COL4A2: variants seen among roughly 807,000 people sequenced by gnomAD.
COL4A2 encodes the protein collagen alpha-2(IV) chain.
Under a neutral mutation model 200.2 loss-of-function variants are expected in COL4A2, and 99 were observed. That is an observed-to-expected ratio of 0.49 (90% CI 0.42 to 0.58). The LOEUF (loss-of-function observed/expected upper bound fraction) is 0.58. Ranked by LOEUF, COL4A2 falls within the 20% of genes least tolerant of loss-of-function variation. COL4A2 has a pLI of 0.00. For missense variants in COL4A2, 1,950 were observed against 2,314.1 expected (o/e 0.84, Z 3.23); for synonymous variants, 897 against 900.6 (o/e 1.00, Z 0.07).
chr13:110,417,114 G>A (rs564735946), intron 4 of COL4A2, among the ~76,000 whole-genome samples: 8 of 152,096 alleles, frequency 5.3e-5, no homozygotes, highest in African/African-American at 1.9e-4. Flanking sequence ...CCGAGTAGCT[G>A]GGGCTACAGG....
At chr13:110,345,018 A>G in intron 3 of COL4A2, among the ~76,000 whole-genome samples, 1 of 151,994 alleles carries the variant, frequency 6.6e-6, no homozygotes, top group Non-Finnish European at 1.5e-5. Context: ...GGTTTTGCAG[A>G]GTGTGAGAAT....
At position 110,484,938 on chromosome 13, in the gene COL4A2, C is replaced by T; in HGVS notation, c.2936C>T (p.Pro979Leu). 6 of 1,612,850 alleles carry T rather than the reference C, an allele frequency of 3.7e-6. No homozygotes were observed. The highest frequency in any genetic ancestry group is 5.1e-6 in the Non-Finnish European group (6 of 1,179,020). ...SRGDPGPPGP[P>L]PVILPGMKDI... ...GGGGACCCTGGGCCCCCAGGACCAC[C>T]TCCTGTCATCCTGCCAGGAATGAAA... Residue 979 changes from proline (P) to leucine (L), a missense_variant, in exon 33 of 48, where the codon CCT becomes CTT. Physicochemically the swap from Pro to Leu is moderately conservative, Grantham distance 98. Coordinates refer to ENST00000360467, the MANE Select transcript of COL4A2 (RefSeq NM_001846.4).
chr13:110,364,442 T>C (rs1310360100), intron 4 of COL4A2, among the ~76,000 whole-genome samples: 1 of 152,206 alleles, frequency 6.6e-6, no homozygotes, highest in Non-Finnish European at 1.5e-5. Flanking sequence ...ATTTATCATA[T>C]GGGTGGGATG....
At chr13:110,485,055 C>T (rs1444136677) in intron 33 of COL4A2, 28 bp downstream of exon 33, 1 of 1,546,740 alleles carries the variant, frequency 6.5e-7, no homozygotes, top group Non-Finnish European at 8.8e-7. Context: ...CAGCCAGGGG[C>T]CCCTAGTCCC....
chr13:110,476,132 T>C (rs1268958127), intron 29 of COL4A2, among the ~76,000 whole-genome samples: 1 of 152,102 alleles, frequency 6.6e-6, no homozygotes, highest in East Asian at 1.9e-4. Context: ...CCACAGTCCA[T>C]GTCCCTGGGT....
chr13:110,337,667 G>A (rs1876262548), intron 3 of COL4A2, among the ~76,000 whole-genome samples: 1 of 152,194 alleles, frequency 6.6e-6, no homozygotes, highest in Admixed American at 6.5e-5. Flanking sequence ...AAAAGGTCCT[G>A]CTCCACATCT....
Position 110,480,276 on chromosome 13 carries a change from A to C in COL4A2, c.2644A>C (p.Met882Leu). ...CACAGGCGCTCCTGGCCCTGTGGGC[A>C]TGAAAGGTCTCTCTGGTGACAGAGG... Reference protein sequence around the residue: ...GDTGAPGPVGMKGLSGDRGDA... With the variant: ...GDTGAPGPVGLKGLSGDRGDA... The change falls in exon 31 of 48, where the codon ATG becomes CTG. Residue 882 changes from methionine (M) to leucine (L), a missense_variant. Physicochemically the swap from Met to Leu is conservative, Grantham distance 15 (BLOSUM62 2). Coordinates refer to ENST00000360467, the MANE Select transcript of COL4A2 (RefSeq NM_001846.4). 1 of 1,613,838 alleles carries C rather than the reference A, an allele frequency of 6.2e-7. No individual in the cohort carries two copies. Among genetic ancestry groups the C allele is most frequent in the Non-Finnish European group, 8.5e-7 (1 of 1,179,842 alleles).
intron 4 of COL4A2, among the ~76,000 whole-genome samples, chr13:110,390,758 GAGAAGCGA>G (rs1242965355): frequency 2.1e-4 from 10 of 48,396 alleles, no homozygotes; most frequent in African/African-American, 1.0e-3. Context: ...GTACAGGCCT[GAGAAGCGA>G]CAGGGCAGCC....
At chr13:110,499,273 C>T (rs1287146407) in intron 40 of COL4A2, among the ~76,000 whole-genome samples, 1 of 152,224 alleles carries the variant, frequency 6.6e-6, no homozygotes, top group Admixed American at 6.5e-5. Context: ...AATTGATTCA[C>T]AGTTCTGCAT....
chr13:110,492,239 C>T lies in COL4A2; in HGVS notation c.3562+62C>T, dbSNP rs1345414351. 6.3e-5 allele frequency: 89 copies of T among 1,422,290 alleles called. No homozygotes were observed. The Admixed American group carries it at 1.5e-3, about 23-fold the overall frequency. The allele number at this position is 1,422,290 out of a possible 1,614,324, so 88.1% of individuals were successfully genotyped here. ...GAGTCGTGGGCTGTGCAGGAGGCACCGCTGAGCAGGCCAGCCTCTCTCAGG... is the reference window on the plus strand; with the variant it reads ...GAGTCGTGGGCTGTGCAGGAGGCACTGCTGAGCAGGCCAGCCTCTCTCAGG... On this transcript the variant is annotated intron_variant, in intron 38 of 47. Coordinates refer to ENST00000360467, the MANE Select transcript of COL4A2 (RefSeq NM_001846.4).
intron 22 of COL4A2, among the ~76,000 whole-genome samples, chr13:110,460,191 G>C (rs1763295381): frequency 6.6e-6 from 1 of 152,210 alleles, no homozygotes; most frequent in Admixed American, 6.5e-5. Context: ...TGAGCCCACA[G>C]CATGGAAGGA....
chr13:110,403,366 C>T (rs1403778495), intron 4 of COL4A2, among the ~76,000 whole-genome samples: 1 of 152,216 alleles, frequency 6.6e-6, no homozygotes, highest in African/African-American at 2.4e-5. Flanking sequence ...TTAGATATTT[C>T]TTCTGCCAAA....
chr13:110,358,661 A>AGTGC (rs1040439278), intron 4 of COL4A2, among the ~76,000 whole-genome samples: 7 of 152,200 alleles, frequency 4.6e-5, no homozygotes, highest in Admixed American at 4.6e-4. Flanking sequence ...ATCTTAGGGC[A>AGTGC]CCACTATCTT....
chr13:110,317,491 A>G (rs1885170759), intron 3 of COL4A2, among the ~76,000 whole-genome samples: 1 of 152,248 alleles, frequency 6.6e-6, no homozygotes, highest in Non-Finnish European at 1.5e-5. Context: ...GGGAGCATCA[A>G]ACAGACCTGT....
intron 22 of COL4A2, among the ~76,000 whole-genome samples, chr13:110,461,144 C>T (rs976494586): frequency 5.3e-5 from 8 of 152,236 alleles, no homozygotes; most frequent in Admixed American, 5.2e-4. Context: ...CTGCAGGCAG[C>T]TTCTCTCTAA....
chr13:110,450,337 C>T lies in COL4A2; in HGVS notation c.1222C>T (p.Pro408Ser), dbSNP rs768988700. ...QRRGLPGEMG[P>S]KGFIGDPGIP... ...GAGAGGCCTGCCGGGTGAGATGGGA[C>T]CCAAGGGCTTCATCGGAGACCCCGG... Residue 408 changes from proline (P) to serine (S), a missense_variant, in exon 20 of 48, where the codon CCC (proline) becomes TCC (serine). Pro to Ser is a moderately conservative substitution (Grantham distance 74). Around this residue, in one of 2 missense-constraint regions of COL4A2, gnomAD observed 565 missense variants for 593.5 expected, o/e 0.95. Transcript: ENST00000360467. 5 of 1,613,766 alleles carry T rather than the reference C, an allele frequency of 3.1e-6. No individual in the cohort carries two copies. Among genetic ancestry groups the T allele is most frequent in the East Asian group, 2.2e-5 (1 of 44,866 alleles).
chr13:110,346,990 C>T lies in COL4A2; in HGVS notation c.100-10482C>T, dbSNP rs954876314. On this transcript the variant is annotated intron_variant, in intron 3 of 47. Transcript: ENST00000360467. The stretch of plus-strand genomic sequence containing the variant: ...GTGCGAACACCTGGGTCCACGCCTC[C>T]GCATGCCGGGCCCGTGTGCACACCT... Among the ~76,000 whole-genome samples, 13 of 152,358 alleles carry T rather than the reference C, an allele frequency of 8.5e-5. No homozygotes were observed. The East Asian group carries it at 1.4e-3, about 16-fold the overall frequency.
chr13:110,445,837 AGGC>A lies in COL4A2; in HGVS notation c.967_969del (p.Gly323del). ...AAATATCTTTCTTGCAGGGAAGCCG[AGGC>A]CTGGATGGCTATCAAGGGCCTGATG... is the stretch of plus-strand genomic sequence containing the variant. On this transcript the variant is annotated inframe_deletion, in exon 17 of 48. Transcript: ENST00000360467. 6.2e-7 allele frequency: 1 copy of A among 1,614,198 alleles called. No homozygotes were observed. The highest frequency in any genetic ancestry group is 8.5e-7 in the Non-Finnish European group (1 of 1,180,040).
chr13:110,311,937 C>T (rs1884995702), intron 3 of COL4A2, among the ~76,000 whole-genome samples: 1 of 151,564 alleles, frequency 6.6e-6, no homozygotes. Context: ...TGTTGGCTGC[C>T]ACCGCCTTCC....
Sources: allele counts gnomAD v4.1 joint callset (sites outside exome capture counted in the v4.1 genomes callset), GRCh38; gene constraint gnomAD v4.1.1; regional missense constraint gnomAD v4.1.1; transcripts MANE v1.5; gene names NCBI Gene and HGNC (gene_info 2026-07-23, HGNC 2026-07-21).